GBP2: variants seen among roughly 807,000 people sequenced by gnomAD.
GBP2 encodes guanylate binding protein 2.
Under a neutral mutation model 60.8 loss-of-function variants are expected in GBP2, and 54 were observed. The ratio of observed to expected loss-of-function variants is 0.89; its 90% CI spans 0.71 to 1.11. The LOEUF (loss-of-function observed/expected upper bound fraction) is 1.11, where lower values mean the gene tolerates loss of function less well. GBP2 is among the 50% of genes most tolerant of loss of function. The pLI, the probability that GBP2 is intolerant of heterozygous loss-of-function variation, is 0.00. For synonymous variants in GBP2, 243 were observed against 256.5 expected (o/e 0.95, Z 0.50); for missense variants, 665 against 703.3 (o/e 0.95, Z 0.62).
chr1:89,111,277 T>G (rs982985663), intron 8 of GBP2, among the ~76,000 whole-genome samples: 2 of 152,146 alleles, frequency 1.3e-5, no homozygotes, highest in Admixed American at 1.3e-4. Context: ...ACCACTGTTA[T>G]TTGCCATACT....
rs1437292237 is a variant in GBP2, at chr1:89,107,358, A to G, written c.*817T>C. On this transcript the variant is annotated 3_prime_UTR_variant, in exon 11 of 11. Coordinates refer to ENST00000370466, the MANE Select transcript of GBP2 (RefSeq NM_004120.5). ...ATGGAAAGTAATTTGAGTTTGAGTT[A>G]AAGCTTTCCTTTCTGTGATTGTAGA... Among the ~76,000 whole-genome samples the G allele has an allele frequency of 6.6e-6, 1 of 152,222 alleles. No individual in the cohort carries two copies. Among genetic ancestry groups the G allele is most frequent in the East Asian group, 1.9e-4 (1 of 5,196 alleles).
intron 1 of GBP2, 114 bp downstream of exon 1, chr1:89,125,749 T>TA (rs1342656438): frequency 6.6e-6 from 1 of 152,214 alleles, no homozygotes; most frequent in Admixed American, 6.5e-5. Context: ...GCCAGGATAG[T>TA]ATGTGGACTT....
intron 1 of GBP2, among the ~76,000 whole-genome samples, chr1:89,124,122 C>T (rs903990761): frequency 1.3e-5 from 2 of 152,138 alleles, no homozygotes; most frequent in Non-Finnish European, 2.9e-5. Context: ...TTTATTCAAC[C>T]GTTCTTTTAT....
Position 89,106,861 on chromosome 1 carries a change from T to G in GBP2, c.*1314A>C, listed in dbSNP as rs1445782897. The G allele has an allele frequency of 6.6e-6, 1 of 152,188 alleles. No homozygotes were observed. The highest frequency in any genetic ancestry group is 1.5e-5 in the Non-Finnish European group (1 of 68,036). The allele number at this position is 152,188 out of a possible 1,614,324, so 9.4% of individuals were successfully genotyped here. A position where few individuals can be genotyped will look rare whatever the true frequency, so the allele number is the denominator to read the frequency against. On this transcript the variant is annotated 3_prime_UTR_variant, in exon 11 of 11. Coordinates refer to ENST00000370466, the MANE Select transcript of GBP2 (RefSeq NM_004120.5). ...GGGGAGTATTTGTTTACTGAAAATG[T>G]GAAGGTGGTGGCATCCATTTACTCA...
rs1681513454 is a variant in GBP2, at chr1:89,125,990, T to G, written c.-145A>C. On this transcript the variant is annotated 5_prime_UTR_variant, in exon 1 of 11. Coordinates refer to ENST00000370466, the MANE Select transcript of GBP2 (RefSeq NM_004120.5). ...TCCCTCTTTTTTCTCTCACGGTAAC[T>G]GTGGACTTTTACTTTACCCCTCCAA... 6.6e-6 allele frequency: 1 copy of G among 152,284 alleles called. No homozygotes were observed. Among genetic ancestry groups the G allele is most frequent in the Non-Finnish European group, 1.5e-5 (1 of 68,062 alleles). The allele number at this position is 152,284 out of a possible 1,614,324, so 9.4% of individuals were successfully genotyped here.
rs1440731708 is a variant in GBP2 at position 89,117,062 on chromosome 1, T to C, written c.798A>G (p.Glu266=). 6.2e-7 allele frequency: 1 copy of C among 1,613,986 alleles called. No homozygotes were observed. Among genetic ancestry groups the C allele is most frequent in the East Asian group, 2.2e-5 (1 of 44,878 alleles). Residue 266 remains glutamate (E), a synonymous_variant, in exon 6 of 11, where the codon GAA becomes GAG. Coordinates refer to ENST00000370466, the MANE Select transcript of GBP2 (RefSeq NM_004120.5). ...AATGGCTGAGGATGTAGGAACAAAATTCTGCAACTTGTTCTATGAAATCAG... is the reference window on the plus strand; with the variant it reads ...AATGGCTGAGGATGTAGGAACAAAACTCTGCAACTTGTTCTATGAAATCAG... ...LNPDFIEQVA[E]FCSYILSHSN...
intron 6 of GBP2, among the ~76,000 whole-genome samples, chr1:89,114,536 A>G (rs1418378599): frequency 6.6e-6 from 1 of 152,236 alleles, no homozygotes; most frequent in Non-Finnish European, 1.5e-5. Flanking sequence ...CTGAGATACT[A>G]GGTCAATGTG....
intron 8 of GBP2, among the ~76,000 whole-genome samples, chr1:89,110,646 T>C (rs993251752): frequency 6.6e-6 from 1 of 152,080 alleles, no homozygotes; most frequent in Non-Finnish European, 1.5e-5. Context: ...TTCTCACACA[T>C]AAATTGGAGA....
At chr1:89,118,138 C>T (rs1451909825) in intron 4 of GBP2, 1 of 164,946 alleles carries the variant, frequency 6.1e-6, no homozygotes, top group Non-Finnish European at 1.3e-5. Context: ...AAACTAGCAA[C>T]CAATAGACAT....
chr1:89,120,780 A>G lies in GBP2; in HGVS notation c.318+363T>C, dbSNP rs368257143. Among the ~76,000 whole-genome samples, 56 of 152,284 alleles carry G rather than the reference A, an allele frequency of 3.7e-4. 6 individuals carry two copies. Among genetic ancestry groups the G allele is most frequent in the Admixed American group, 9.2e-4 (14 of 15,300 alleles). On this transcript the variant is annotated intron_variant, in intron 3 of 10. Transcript: ENST00000370466. ...TACTGGTGCTGGTGTGGATGTGAACATTTTTACTACCTTTGTGGGATCCCA... is the reference window on the plus strand; with the variant it reads ...TACTGGTGCTGGTGTGGATGTGAACGTTTTTACTACCTTTGTGGGATCCCA...
chr1:89,116,408 C>T (rs1316434085), intron 6 of GBP2, among the ~76,000 whole-genome samples: 1 of 152,132 alleles, frequency 6.6e-6, no homozygotes, highest in African/African-American at 2.4e-5. Flanking sequence ...TCTCCCTTTA[C>T]TCTTTCATAG....
At chr1:89,119,097 C>A (rs1000153944) in intron 4 of GBP2, 3 of 152,052 alleles carry the variant, frequency 2.0e-5, no homozygotes, top group Non-Finnish European at 4.4e-5. Context: ...GGCACAAGAA[C>A]TTAAGTGTTA....
At position 89,120,177 on chromosome 1, in the gene GBP2, A is replaced by T; in HGVS notation, c.428+2T>A. ...GCTGTTCTGGACCACAAAAAAGGAT[A>T]CTGAAGTTGGTCCATGGCCTGCTGG... is the stretch of plus-strand genomic sequence containing the variant. On this transcript the variant is annotated splice_donor_variant, in intron 4 of 10. Coordinates refer to ENST00000370466, the MANE Select transcript of GBP2 (RefSeq NM_004120.5). LOFTEE classifies it high-confidence loss of function. 6.2e-7 allele frequency: 1 copy of T among 1,608,944 alleles called. No homozygotes were observed. Among genetic ancestry groups the T allele is most frequent in the Non-Finnish European group, 8.5e-7 (1 of 1,175,274 alleles).
chr1:89,120,255 A>G lies in GBP2; in HGVS notation c.352T>C (p.Leu118=), dbSNP rs770272700. ...AAGGTGCTGCTCAGGAGGATGGCCA[A>G]GGCAAAGATCCAGGAGTCATTCTCA... The part of the protein sequence containing the change: ...DNENDSWIFA[L]AILLSSTFVY... The change falls in exon 4 of 11, where the codon TTG becomes CTG. Residue 118 remains leucine (L), a synonymous_variant. Coordinates refer to ENST00000370466, the MANE Select transcript of GBP2 (RefSeq NM_004120.5). The G allele has an allele frequency of 6.2e-7, 1 of 1,613,974 alleles. No homozygotes were observed. Among genetic ancestry groups the G allele is most frequent in the Non-Finnish European group, 8.5e-7 (1 of 1,179,868 alleles).
In GBP2 at chr1:89,117,059, A is replaced by C; in HGVS notation, c.801T>G (p.Phe267Leu). Residue 267 changes from phenylalanine (F) to leucine (L), a missense_variant, in exon 6 of 11, where the codon TTT becomes TTG. Phe to Leu is a conservative substitution (Grantham distance 22). Transcript: ENST00000370466. Reference protein sequence around the residue: ...NPDFIEQVAEFCSYILSHSNV... With the variant: ...NPDFIEQVAELCSYILSHSNV... Reference sequence around the variant, plus strand: ...TGGAATGGCTGAGGATGTAGGAACAAAATTCTGCAACTTGTTCTATGAAAT... The same window carrying C: ...TGGAATGGCTGAGGATGTAGGAACACAATTCTGCAACTTGTTCTATGAAAT... The C allele has an allele frequency of 1.9e-6, 3 of 1,614,082 alleles. No individual in the cohort carries two copies. Among genetic ancestry groups the C allele is most frequent in the South Asian group, 2.2e-5 (2 of 91,076 alleles).
chr1:89,118,142 T>G (rs997426562), intron 4 of GBP2: 1 of 164,082 alleles, frequency 6.1e-6, no homozygotes, highest in African/African-American at 2.4e-5. Context: ...TAGCAACCAA[T>G]AGACATTCAT....
At position 89,114,114 on chromosome 1, in the gene GBP2, G is replaced by C; in HGVS notation, c.1051C>G (p.Leu351Val). ...TCACTGTCCCTGTGCAGGTCCAGCAGCTCCTGGAGGGTTTCCGTGGGCAGC... is the reference window on the plus strand; with the variant it reads ...TCACTGTCCCTGTGCAGGTCCAGCACCTCCTGGAGGGTTTCCGTGGGCAGC... ...VQLPTETLQE[L>V]LDLHRDSERE... Residue 351 changes from leucine to valine, a missense_variant, in exon 7 of 11, where the codon CTG (leucine) becomes GTG (valine). Coordinates refer to ENST00000370466, the MANE Select transcript of GBP2 (RefSeq NM_004120.5). The C allele has an allele frequency of 6.2e-7, 1 of 1,614,226 alleles. No homozygotes were observed. The highest frequency in any genetic ancestry group is 8.5e-7 in the Non-Finnish European group (1 of 1,180,038).
chr1:89,122,700 G>A (rs902302887), intron 1 of GBP2, among the ~76,000 whole-genome samples: 1 of 152,118 alleles, frequency 6.6e-6, no homozygotes, highest in Non-Finnish European at 1.5e-5. Flanking sequence ...CTACCACAAA[G>A]TGTTATGTAC....
intron 1 of GBP2, among the ~76,000 whole-genome samples, chr1:89,123,891 C>T (rs1316818844): frequency 5.3e-5 from 8 of 152,222 alleles, no homozygotes; most frequent in African/African-American, 1.7e-4. Flanking sequence ...CCACTTCATG[C>T]CCACTTATCC....
Sources: allele counts gnomAD v4.1 joint callset (sites outside exome capture counted in the v4.1 genomes callset), GRCh38; gene constraint gnomAD v4.1.1; transcripts MANE v1.5; gene names NCBI Gene and HGNC (gene_info 2026-07-23, HGNC 2026-07-21).